ANGPTL3: variants seen among roughly 807,000 people sequenced by gnomAD.
ANGPTL3 encodes the protein angiopoietin-related protein 3.
A neutral mutation model predicts 52.7 loss-of-function variants in ANGPTL3; 51 were observed. The observed-to-expected ratio is 0.97, with a 90% CI of 0.77 to 1.22. The LOEUF is 1.22. Ranked by LOEUF, ANGPTL3 falls within the 50% of genes most tolerant of loss-of-function variation. The pLI is 0.00. For synonymous variants in ANGPTL3, 185 were observed against 179.8 expected (o/e 1.03, Z -0.23); for missense variants, 506 against 520.7 (o/e 0.97, Z 0.27).
chr1:62,598,074 T>TA lies in ANGPTL3; in HGVS notation c.495+16dup, dbSNP rs1284420038. Reference sequence around the variant, plus strand: ...AACTTCACTTAAAGTAAGTAGAAAATAAAGAGGGTTCATGTTTATGTTTTC... The same window carrying TA: ...AACTTCACTTAAAGTAAGTAGAAAATAAAAGAGGGTTCATGTTTATGTTTTC... On this transcript the variant is annotated intron_variant, in intron 1 of 6. Transcript: ENST00000371129. The TA allele has an allele frequency of 6.4e-7, 1 of 1,572,700 alleles. No homozygotes were observed. The highest frequency in any genetic ancestry group is 1.4e-5 in the African/African-American group (1 of 72,668).
Position 62,601,803 on chromosome 1 carries a change from A to T in ANGPTL3, c.756A>T (p.Arg252Ser). 1 of 1,609,866 alleles carries T rather than the reference A, an allele frequency of 6.2e-7. No homozygotes were observed. The highest frequency in any genetic ancestry group is 8.5e-7 in the Non-Finnish European group (1 of 1,177,052). ...IPAECTTIYN[R>S]GEHTSGMYAI... The stretch of plus-strand genomic sequence containing the variant: ...CTGAATGTACCACCATTTATAACAG[A>T]GGTGAACATACAAGTGGCATGTATG... The change falls in exon 4 of 7, where the codon AGA (arginine) becomes AGT (serine). Residue 252 changes from arginine to serine, a missense_variant. Arg to Ser is a moderately radical substitution (Grantham distance 110, BLOSUM62 -1). Coordinates refer to ENST00000371129, the MANE Select transcript of ANGPTL3 (RefSeq NM_014495.4).
At position 62,605,249 on chromosome 1, in the gene ANGPTL3, A is replaced by C; in HGVS notation, c.*432A>C. The C allele has an allele frequency of 6.1e-6, 1 of 162,790 alleles. No individual in the cohort carries two copies. The highest frequency in any genetic ancestry group is 1.3e-5 in the Non-Finnish European group (1 of 74,322). 10.1% of individuals were successfully genotyped at this position (162,790 alleles called of 1,614,324 possible). ...AAATACAGAGGACTGGTAATTGTAC[A>C]GTTCTTAAATGTTGTAGTATTAATT... On this transcript the variant is annotated 3_prime_UTR_variant, in exon 7 of 7. Transcript: ENST00000371129.
chr1:62,604,920 T>C lies in ANGPTL3; in HGVS notation c.*103T>C, dbSNP rs1278589202. 5 of 1,248,638 alleles carry C rather than the reference T, an allele frequency of 4.0e-6. No homozygotes were observed. Among genetic ancestry groups the C allele is most frequent in the Non-Finnish European group, 3.4e-6 (3 of 870,602 alleles). 77.3% of individuals were successfully genotyped at this position (1,248,638 alleles called of 1,614,324 possible). A position where few individuals can be genotyped will look rare whatever the true frequency, so the allele number is the denominator to read the frequency against. ...AATCCTTAAGAGAAAGCTTGAGAAATAGATTTTTTTTATCTTAAAGTCACT... is the reference window on the plus strand; with the variant it reads ...AATCCTTAAGAGAAAGCTTGAGAAACAGATTTTTTTTATCTTAAAGTCACT... On this transcript the variant is annotated 3_prime_UTR_variant, in exon 7 of 7. Coordinates refer to ENST00000371129, the MANE Select transcript of ANGPTL3 (RefSeq NM_014495.4).
chr1:62,597,811 T>G lies in ANGPTL3; in HGVS notation c.245T>G (p.Phe82Cys), dbSNP rs1373030963. The G allele has an allele frequency of 6.2e-7, 1 of 1,613,386 alleles. No homozygotes were observed. Among genetic ancestry groups the G allele is most frequent in the South Asian group, 1.1e-5 (1 of 91,016 alleles). The change falls in exon 1 of 7, where the codon TTT becomes TGT. Residue 82 changes from phenylalanine (F) to cysteine (C), a missense_variant. Coordinates refer to ENST00000371129, the MANE Select transcript of ANGPTL3 (RefSeq NM_014495.4). ...FQKLNIFDQS[F>C]YDLSLQTSEI... is the part of the protein sequence containing the mutation. ...AAACTCAACATATTTGATCAGTCTT[T>G]TTATGATCTATCGCTGCAAACCAGT...
chr1:62,601,896 A>ATTCTCCTTAGAC lies in ANGPTL3; in HGVS notation c.835+14_835+15insTTCTCCTTAGAC. Reference sequence around the variant, plus strand: ...ATGTTATATCAGGTAAAACCTGTCTAAGGAGAATAGACAGTAGTTAGTTCA... The same window carrying ATTCTCCTTAGAC: ...ATGTTATATCAGGTAAAACCTGTCTATTCTCCTTAGACAGGAGAATAGACAGTAGTTAGTTCA... On this transcript the variant is annotated intron_variant, in intron 4 of 6. Coordinates refer to ENST00000371129, the MANE Select transcript of ANGPTL3 (RefSeq NM_014495.4). 1.3e-6 allele frequency: 2 copies of ATTCTCCTTAGAC among 1,544,718 alleles called. No homozygotes were observed. Among genetic ancestry groups the ATTCTCCTTAGAC allele is most frequent in the Non-Finnish European group, 1.8e-6 (2 of 1,118,692 alleles).
intron 1 of ANGPTL3, among the ~76,000 whole-genome samples, chr1:62,598,270 A>C (rs1649590271): frequency 6.6e-6 from 1 of 152,002 alleles, no homozygotes; most frequent in Admixed American, 6.6e-5. Context: ...AAACACTGAA[A>C]ATTTGCATTT....
rs755772110 is a variant in ANGPTL3 at position 62,604,620 on chromosome 1, C to T, written c.1199-13C>T. Reference sequence around the variant, plus strand: ...AGTCTGTACCCATTAAATTGCATATCTATCTCCTTTAGGAGGCTGGTGGTG... The same window carrying T: ...AGTCTGTACCCATTAAATTGCATATTTATCTCCTTTAGGAGGCTGGTGGTG... On this transcript the variant is annotated splice_polypyrimidine_tract_variant and intron_variant, in intron 6 of 6. Transcript: ENST00000371129. The T allele has an allele frequency of 6.2e-6, 10 of 1,612,196 alleles. No individual in the cohort carries two copies. Among genetic ancestry groups the T allele is most frequent in the South Asian group, 1.1e-5 (1 of 91,044 alleles).
Position 62,604,119 on chromosome 1 carries a change from A to G in ANGPTL3, c.1082A>G (p.His361Arg). The G allele has an allele frequency of 6.2e-7, 1 of 1,613,280 alleles. No individual in the cohort carries two copies. Among genetic ancestry groups the G allele is most frequent in the Non-Finnish European group, 8.5e-7 (1 of 1,179,490 alleles). Residue 361 changes from histidine (H) to arginine (R), a missense_variant, in exon 6 of 7, where the codon CAT becomes CGT. His to Arg is a conservative substitution (Grantham distance 29). Coordinates refer to ENST00000371129, the MANE Select transcript of ANGPTL3 (RefSeq NM_014495.4). ...LGNHETNYTL[H>R]LVAITGNVPN... The stretch of plus-strand genomic sequence containing the variant: ...AATCACGAAACCAACTATACGCTAC[A>G]TCTAGTTGCGATTACTGGCAATGTC...
rs755423135 is a variant in ANGPTL3 at position 62,604,732 on chromosome 1, C to T, written c.1298C>T (p.Ser433Phe). The change falls in exon 7 of 7, where the codon TCT (serine) becomes TTT (phenylalanine). Residue 433 changes from serine (S) to phenylalanine (F), a missense_variant. Coordinates refer to ENST00000371129, the MANE Select transcript of ANGPTL3 (RefSeq NM_014495.4). The stretch of plus-strand genomic sequence containing the variant: ...AAGCCAGAGAGGAGAAGAGGATTAT[C>T]TTGGAAGTCTCAAAATGGAAGGTTA... ...KSKPERRRGLSWKSQNGRLYS... is the reference protein window; with the variant it reads ...KSKPERRRGLFWKSQNGRLYS... The T allele has an allele frequency of 9.3e-6, 15 of 1,613,142 alleles. No individual in the cohort carries two copies. Among genetic ancestry groups the T allele is most frequent in the Non-Finnish European group, 1.2e-5 (14 of 1,179,390 alleles).
intron 2 of ANGPTL3, among the ~76,000 whole-genome samples, chr1:62,599,385 C>T (rs1649777208): frequency 6.6e-6 from 1 of 151,948 alleles, no homozygotes; most frequent in South Asian, 2.1e-4. Context: ...TCTGATTTCC[C>T]TTAGGGTCGT....
intron 5 of ANGPTL3, among the ~76,000 whole-genome samples, chr1:62,602,936 ATAACAGATGTTT>A (rs1374380516): frequency 6.6e-6 from 1 of 151,772 alleles, no homozygotes; most frequent in East Asian, 1.9e-4. Context: ...GCAAGATAAA[ATAACAGATGTTT>A]AAAATCCAAA....
At chr1:62,600,275 T>C (rs1163935857) in intron 2 of ANGPTL3, among the ~76,000 whole-genome samples, 1 of 151,754 alleles carries the variant, frequency 6.6e-6, no homozygotes, top group Non-Finnish European at 1.5e-5. Context: ...TTTAACTTTC[T>C]CATATTTAAA....
chr1:62,600,897 C>A, intron 2 of ANGPTL3, 185 bp from the exon 3 acceptor site: 1 of 503,380 alleles, frequency 2.0e-6, no homozygotes, highest in Non-Finnish European at 3.6e-6. Flanking sequence ...AAATAATGTC[C>A]CTGATTAAAT....
chr1:62,597,540 T>G lies in ANGPTL3; in HGVS notation c.-27T>G. The G allele has an allele frequency of 1.2e-6, 2 of 1,611,434 alleles. No homozygotes were observed. Among genetic ancestry groups the G allele is most frequent in the Non-Finnish European group, 1.7e-6 (2 of 1,178,682 alleles). On this transcript the variant is annotated 5_prime_UTR_variant, in exon 1 of 7. Coordinates refer to ENST00000371129, the MANE Select transcript of ANGPTL3 (RefSeq NM_014495.4). ...CTTCCAGAAGAAAACAGTTCCACGT[T>G]GCTTGAAATTGAAAATCAAGATAAA...
chr1:62,604,427 C>T (rs912987456), intron 6 of ANGPTL3, 192 bp downstream of exon 6: 1 of 881,172 alleles, frequency 1.1e-6, no homozygotes, highest in Non-Finnish European at 1.7e-6. Context: ...TCTAATCTTC[C>T]TCAGATTTTC....
At chr1:62,604,409 AT>A in intron 6 of ANGPTL3, 174 bp downstream of exon 6, 1 of 910,142 alleles carries the variant, frequency 1.1e-6, no homozygotes, top group Non-Finnish European at 1.6e-6. Flanking sequence ...TCAATCAGGT[AT>A]TTTACCTCTA....
At position 62,606,313 on chromosome 1, in the gene ANGPTL3, C is replaced by T. The variant is rs931568444; in HGVS notation, c.*1496C>T. On this transcript the variant is annotated 3_prime_UTR_variant, in exon 7 of 7. Transcript: ENST00000371129. ...TGAGTTGCTTCCTCTATTTGGTTTC[C>T]TTAAAAAAAAAAAAAACTCTCATAG... Among the ~76,000 whole-genome samples the T allele has an allele frequency of 6.7e-6, 1 of 148,972 alleles. No individual in the cohort carries two copies. Among genetic ancestry groups the T allele is most frequent in the Non-Finnish European group, 1.5e-5 (1 of 67,462 alleles).
chr1:62,603,235 TG>T (rs1213198142), intron 5 of ANGPTL3, among the ~76,000 whole-genome samples: 1 of 151,712 alleles, frequency 6.6e-6, no homozygotes, highest in Non-Finnish European at 1.5e-5. Context: ...CATTTGTACT[TG>T]TATTTACCAG....
intron 2 of ANGPTL3, among the ~76,000 whole-genome samples, chr1:62,600,072 C>T (rs998444823): frequency 4.0e-5 from 6 of 151,764 alleles, no homozygotes; most frequent in African/African-American, 1.2e-4. Context: ...TTATCAACTA[C>T]TTTTGGTTTC....
Sources: gnomAD v4.1 joint callset for allele counts (sites outside exome capture counted in the v4.1 genomes callset) on GRCh38, gnomAD v4.1.1 for gene constraint, MANE v1.5 for transcripts, NCBI Gene and HGNC (gene_info 2026-07-23, HGNC 2026-07-21) for gene names.